Variants in DPYD observed in about 807,000 individuals in gnomAD.
The protein encoded by DPYD is dihydropyrimidine dehydrogenase [NADP(+)].
DPYD carries 109 observed loss-of-function variants against 116.2 expected under a neutral mutation model. The ratio of observed to expected loss-of-function variants is 0.94; its 90% CI spans 0.80 to 1.10. The LOEUF (loss-of-function observed/expected upper bound fraction) is 1.10, where lower values mean the gene tolerates loss of function less well. Among genes scored for constraint, DPYD ranks in the 50% least tolerant of loss-of-function variants. The probability of loss-of-function intolerance (pLI) is 0.00; values close to 1 mark genes in which losing one functional copy is unlikely to be tolerated. For missense variants in DPYD, 1,302 were observed against 1,254.5 expected (o/e 1.04, Z -0.57); for synonymous variants, 440 against 432.0 (o/e 1.02, Z -0.23).
At chr1:97,566,438 T>C (rs1000705635) in intron 11 of DPYD, among the ~76,000 whole-genome samples, 1 of 152,180 alleles carries the variant, frequency 6.6e-6, no homozygotes, top group Non-Finnish European at 1.5e-5. Flanking sequence ...GTATCCAGTG[T>C]ATTATACCGG....
intron 12 of DPYD, among the ~76,000 whole-genome samples, chr1:97,521,312 A>G (rs1315521126): frequency 6.6e-6 from 1 of 152,188 alleles, no homozygotes; most frequent in Non-Finnish European, 1.5e-5. Context: ...TCCTATTCAC[A>G]ATTGCTACAA....
intron 2 of DPYD, among the ~76,000 whole-genome samples, chr1:97,844,478 T>A (rs1670192919): frequency 6.6e-6 from 1 of 152,114 alleles, no homozygotes; most frequent in Non-Finnish European, 1.5e-5. Context: ...AATAATTTGA[T>A]CAATCATGCC....
At chr1:97,575,631 A>G (rs1439865223) in intron 10 of DPYD, among the ~76,000 whole-genome samples, 1 of 152,216 alleles carries the variant, frequency 6.6e-6, no homozygotes, top group Non-Finnish European at 1.5e-5. Context: ...AATATAAAAC[A>G]AAACATGTGG....
intron 14 of DPYD, among the ~76,000 whole-genome samples, chr1:97,414,897 C>A (rs114638322): frequency 0.013 from 1,956 of 152,096 alleles, 23 homozygotes; most frequent in South Asian, 0.023. Flanking sequence ...GTCAGCAAAT[C>A]TTTTTTTTAG....
chr1:97,559,006 C>A (rs1408993905), intron 11 of DPYD, among the ~76,000 whole-genome samples: 1 of 152,052 alleles, frequency 6.6e-6, no homozygotes, highest in Non-Finnish European at 1.5e-5. Context: ...TCAATGATAC[C>A]ATCTCTTTAA....
chr1:97,785,359 T>C (rs1666962554), intron 3 of DPYD, among the ~76,000 whole-genome samples: 1 of 152,220 alleles, frequency 6.6e-6, no homozygotes, highest in Non-Finnish European at 1.5e-5. Context: ...CTGTGTGTTC[T>C]TCATACTGTC....
intron 12 of DPYD, among the ~76,000 whole-genome samples, chr1:97,548,129 G>T (rs936795578): frequency 6.6e-6 from 1 of 152,078 alleles, no homozygotes; most frequent in Non-Finnish European, 1.5e-5. Flanking sequence ...AACAAGAGTG[G>T]TAAAAACAAG....
At chr1:97,904,842 T>C (rs1273265890) in intron 1 of DPYD, among the ~76,000 whole-genome samples, 1 of 151,994 alleles carries the variant, frequency 6.6e-6, no homozygotes, top group Non-Finnish European at 1.5e-5. Flanking sequence ...AAGAACCTAC[T>C]GAAAGTTATT....
intron 2 of DPYD, among the ~76,000 whole-genome samples, chr1:97,829,383 T>C (rs114918218): frequency 0.022 from 3,402 of 152,164 alleles, 50 homozygotes; most frequent in Non-Finnish European, 0.032. Context: ...CAGTTATATG[T>C]TGTTATAATT....
intron 20 of DPYD, among the ~76,000 whole-genome samples, chr1:97,154,499 G>GT (rs1310200847): frequency 1.3e-5 from 2 of 152,088 alleles, no homozygotes; most frequent in Admixed American, 6.6e-5. Context: ...GCTCACGACT[G>GT]TAATCCCAGC....
chr1:97,479,671 C>T (rs1006359870), intron 13 of DPYD, among the ~76,000 whole-genome samples: 3 of 152,120 alleles, frequency 2.0e-5, no homozygotes, highest in African/African-American at 4.8e-5. Flanking sequence ...AGAAAGGTTG[C>T]CACAAACCTT....
intron 11 of DPYD, among the ~76,000 whole-genome samples, chr1:97,550,211 T>C (rs1316125317): frequency 6.6e-6 from 1 of 152,082 alleles, no homozygotes; most frequent in Non-Finnish European, 1.5e-5. Context: ...CAAAACATTT[T>C]ATAAAGCAAA....
chr1:97,464,919 C>T (rs764329671), intron 13 of DPYD, among the ~76,000 whole-genome samples: 8 of 152,178 alleles, frequency 5.3e-5, no homozygotes, highest in South Asian at 2.1e-4. Flanking sequence ...GTAGATCCTC[C>T]GACAGCTTGC....
chr1:97,842,353 A>G (rs1670079021), intron 2 of DPYD, among the ~76,000 whole-genome samples: 1 of 151,996 alleles, frequency 6.6e-6, no homozygotes, highest in South Asian at 2.1e-4. Flanking sequence ...TTGTCAGTGC[A>G]TATGTTAATT....
intron 3 of DPYD, among the ~76,000 whole-genome samples, chr1:97,749,733 C>T (rs1430027101): frequency 6.6e-6 from 1 of 152,062 alleles, no homozygotes; most frequent in Non-Finnish European, 1.5e-5. Context: ...AATAACAAGC[C>T]ATATGTAATT....
At chr1:97,241,772 T>C (rs976344402) in intron 18 of DPYD, among the ~76,000 whole-genome samples, 3 of 151,802 alleles carry the variant, frequency 2.0e-5, no homozygotes, top group African/African-American at 7.2e-5. Flanking sequence ...ATACTAATAA[T>C]ATTCCAGGGA....
At chr1:97,702,367 A>T (rs1017225941) in intron 5 of DPYD, among the ~76,000 whole-genome samples, 3 of 151,796 alleles carry the variant, frequency 2.0e-5, no homozygotes, top group African/African-American at 7.2e-5. Flanking sequence ...CAGGGAACAG[A>T]GATATAGCTA....
Position 97,148,661 on chromosome 1 carries a change from G to A in DPYD, c.2622+44408C>T, listed in dbSNP as rs569023022. ...TACATATTGGGAGATACCTACTATGGAATCCCTGGCAATATCTAGTTTTAA... is the reference window on the plus strand; with the variant it reads ...TACATATTGGGAGATACCTACTATGAAATCCCTGGCAATATCTAGTTTTAA... On this transcript the variant is annotated intron_variant, in intron 20 of 22. Transcript: ENST00000370192. 3.9e-5 allele frequency among the ~76,000 whole-genome samples: 6 copies of A among 152,146 alleles called. No individual in the cohort carries two copies. The East Asian group carries it at 7.7e-4, about 20-fold the overall frequency.
At chr1:97,831,815 A>G (rs561707550) in intron 2 of DPYD, among the ~76,000 whole-genome samples, 1 of 152,056 alleles carries the variant, frequency 6.6e-6, no homozygotes, top group African/African-American at 2.4e-5. Flanking sequence ...GATTAGTAAT[A>G]AAATACTGGA....
Sources: allele counts gnomAD v4.1 joint callset (sites outside exome capture counted in the v4.1 genomes callset), GRCh38; gene constraint gnomAD v4.1.1; transcripts MANE v1.5; gene names NCBI Gene and HGNC (gene_info 2026-07-23, HGNC 2026-07-21).